ARHGEF40: variants seen among roughly 807,000 people sequenced by gnomAD.
The protein encoded by ARHGEF40 is Rho guanine nucleotide exchange factor 40, also known as Rho guanine nucleotide exchange factor (GEF) 40.
Under a neutral mutation model 165.9 loss-of-function variants are expected in ARHGEF40, and 98 were observed. That is an observed-to-expected ratio of 0.59 (90% confidence interval 0.50 to 0.70). ARHGEF40 has a LOEUF of 0.70. Ranked by LOEUF, ARHGEF40 falls within the 30% of genes least tolerant of loss-of-function variation. The probability of loss-of-function intolerance (pLI) is 0.00; values close to 1 mark genes in which losing one functional copy is unlikely to be tolerated. For synonymous variants in ARHGEF40, 792 were observed against 814.3 expected (o/e 0.97, Z 0.47); for missense variants, 1,815 against 1,968.0 (o/e 0.92, Z 1.47).
At chr14:21,087,558 A>T in intron 21 of ARHGEF40, 95 bp downstream of exon 21, 1 of 1,526,378 alleles carries the variant, frequency 6.6e-7, no homozygotes, top group Non-Finnish European at 8.8e-7. Context: ...TCTAGCCAAG[A>T]AGCCCAGTTG....
Position 21,082,833 on chromosome 14 carries a change from G to A in ARHGEF40, c.3489G>A (p.Gly1163=). Residue 1163 remains glycine, a splice_region_variant and synonymous_variant, in exon 16 of 24, where the codon GGG becomes GGA. Transcript: ENST00000298694. ...TTATCTGTTCTTTACTGGCACAGGG[G>A]GACCAGTTCAGCCTTTATGCACAGT... ...LRIGACFLRH[G]DQFSLYAQYV... 6.2e-7 allele frequency: 1 copy of A among 1,614,092 alleles called. No individual in the cohort carries two copies. The highest frequency in any genetic ancestry group is 8.5e-7 in the Non-Finnish European group (1 of 1,179,988).
chr14:21,071,173 TG>T (rs1198894566), intron 1 of ARHGEF40, among the ~76,000 whole-genome samples: 1 of 152,146 alleles, frequency 6.6e-6, no homozygotes, highest in Non-Finnish European at 1.5e-5. Flanking sequence ...TAGGGGACCC[TG>T]GCAGCAGCAA....
Position 21,074,647 on chromosome 14 carries a change from C to T in ARHGEF40, c.917C>T (p.Pro306Leu), listed in dbSNP as rs1315234737. 2 of 1,566,050 alleles carry T rather than the reference C, an allele frequency of 1.3e-6. No individual in the cohort carries two copies. The highest frequency in any genetic ancestry group is 1.7e-6 in the Non-Finnish European group (2 of 1,156,950). The change falls in exon 3 of 24, where the codon CCC becomes CTC. Residue 306 changes from proline to leucine, a missense_variant. Coordinates refer to ENST00000298694, the MANE Select transcript of ARHGEF40 (RefSeq NM_018071.5). The surrounding 1 kb of genome is among the most constrained non-coding windows in gnomAD (Gnocchi z 4.8). ...CGGGGCCAGGATGGAGCACGCCCAC[C>T]CGGCGAGGGGAGCAGCACCGGAGCC... ...GPRGQDGARP[P>L]GEGSSTGASP...
rs549433318 is a variant in ARHGEF40, at chr14:21,087,208, C to G, written c.4243+103C>G. 1,710 of 1,581,554 alleles carry G rather than the reference C, an allele frequency of 1.1e-3. 2 individuals are homozygous for G. The highest frequency in any genetic ancestry group is 1.3e-3 in the Non-Finnish European group (1,509 of 1,157,758). On this transcript the variant is annotated intron_variant, in intron 20 of 23. Coordinates refer to ENST00000298694, the MANE Select transcript of ARHGEF40 (RefSeq NM_018071.5). ...GAAAGTCAGGAAAGGCATCTCGTCC[C>G]CAAATCAGTGGGACTGGCTGGGAGG... is the stretch of plus-strand genomic sequence containing the variant.
Position 21,084,773 on chromosome 14 carries a change from A to ACAG in ARHGEF40, c.3812_3814dup (p.Gln1271dup). ...TCCAGATAGATCTGAAGGAGCAGGG[A>ACAG]CAGCTCTTGCATCGAGACCCCTTCA... is the stretch of plus-strand genomic sequence containing the variant. On this transcript the variant is annotated inframe_insertion, in exon 18 of 24. Transcript: ENST00000298694. The ACAG allele has an allele frequency of 1.2e-6, 2 of 1,613,762 alleles. No homozygotes were observed. Among genetic ancestry groups the ACAG allele is most frequent in the Non-Finnish European group, 1.7e-6 (2 of 1,179,964 alleles).
At chr14:21,062,708 AGTGTGT>A in the ARHGEF40 span, among the ~76,000 whole-genome samples, 27 of 131,048 alleles carry the variant, frequency 2.1e-4, no homozygotes, top group African/African-American at 6.5e-4. Context: ...GGCTGGGCAC[AGTGTGT>A]GTGTGTGTGT....
At chr14:21,066,632 C>A (rs1886284821), upstream of ARHGEF40, among the ~76,000 whole-genome samples, 1 of 152,148 alleles carries the variant, frequency 6.6e-6, no homozygotes, top group Non-Finnish European at 1.5e-5. Context: ...CCGTGCCCAG[C>A]CTGATTTATT....
Position 21,083,882 on chromosome 14 carries a change from T to C in ARHGEF40, c.3621T>C (p.Pro1207=). 1 of 1,613,834 alleles carries C rather than the reference T, an allele frequency of 6.2e-7. No homozygotes were observed. Among genetic ancestry groups the C allele is most frequent in the Non-Finnish European group, 8.5e-7 (1 of 1,180,008 alleles). The part of the protein sequence containing the change: ...GPYLPRALQQ[P]LEQLTRYGRL... ...ACCTGCCCCGAGCCCTGCAGCAGCC[T>C]CTGGAACAGCTGACTCGGTATGGGC... is the stretch of plus-strand genomic sequence containing the variant. Residue 1207 remains proline, a synonymous_variant, in exon 17 of 24, where the codon CCT becomes CCC. Transcript: ENST00000298694.
upstream of ARHGEF40, among the ~76,000 whole-genome samples, chr14:21,069,143 G>A (rs1397472401): frequency 6.6e-6 from 1 of 152,220 alleles, no homozygotes; most frequent in Non-Finnish European, 1.5e-5. Flanking sequence ...GCTTCCCGGT[G>A]CCTGCTCAGA....
At chr14:21,082,729 C>A in intron 15 of ARHGEF40, 102 bp from the exon 16 acceptor site, 1 of 1,270,468 alleles carries the variant, frequency 7.9e-7, no homozygotes, top group Non-Finnish European at 1.1e-6. Flanking sequence ...CCCTGGTGAC[C>A]CATCCCTCAT....
intron 17 of ARHGEF40, 122 bp from the exon 18 acceptor site, chr14:21,084,631 C>A: frequency 9.0e-7 from 1 of 1,116,042 alleles, no homozygotes; most frequent in Non-Finnish European, 1.3e-6. Flanking sequence ...GCTTCCCTGA[C>A]TTCCTGACTC....
At chr14:21,086,280 G>A in intron 19 of ARHGEF40, 1 of 178,156 alleles carries the variant, frequency 5.6e-6, no homozygotes, top group South Asian at 1.1e-4. Context: ...GAGGGGTGAG[G>A]TAGGAGGATC....
At chr14:21,063,112 G>T in the ARHGEF40 span, among the ~76,000 whole-genome samples, 2 of 151,914 alleles carry the variant, frequency 1.3e-5, no homozygotes, top group South Asian at 2.1e-4. Flanking sequence ...GCTGGGCAAC[G>T]GAGCGAGACC....
chr14:21,085,233 G>A (rs1888243322), intron 18 of ARHGEF40, among the ~76,000 whole-genome samples: 1 of 152,214 alleles, frequency 6.6e-6, no homozygotes, highest in Admixed American at 6.5e-5. Flanking sequence ...CCTAGGGCAT[G>A]AGGAGAAAGC....
intron 16 of ARHGEF40, 125 bp from the exon 17 acceptor site, chr14:21,083,710 A>G: frequency 1.2e-6 from 1 of 824,500 alleles, no homozygotes; most frequent in Non-Finnish European, 1.9e-6. Flanking sequence ...GCCTTACTTT[A>G]GGGAGCATCT....
chr14:21,082,564 G>A lies in ARHGEF40; in HGVS notation c.3486+86G>A. Reference sequence around the variant, plus strand: ...CTGTCCCTCTTTCTCAGTACCCACGGCCCTCTCCTCCCATGTGTGGTCCAT... The same window carrying A: ...CTGTCCCTCTTTCTCAGTACCCACGACCCTCTCCTCCCATGTGTGGTCCAT... On this transcript the variant is annotated intron_variant, in intron 15 of 23. Coordinates refer to ENST00000298694, the MANE Select transcript of ARHGEF40 (RefSeq NM_018071.5). 4 of 1,388,576 alleles carry A rather than the reference G, an allele frequency of 2.9e-6. No homozygotes were observed. In the South Asian group the frequency reaches 5.7e-5, roughly 20 times the overall value. The allele number at this position is 1,388,576 out of a possible 1,614,324, so 86.0% of individuals were successfully genotyped here.
chr14:21,083,780 T>G, intron 16 of ARHGEF40, 55 bp from the exon 17 acceptor site: 1 of 1,506,620 alleles, frequency 6.6e-7, no homozygotes, highest in Non-Finnish European at 9.1e-7. Context: ...ACCCCTGAGC[T>G]TGGCCCCCAG....
At position 21,083,888 on chromosome 14, in the gene ARHGEF40, A is replaced by G. The variant is rs1026471860; in HGVS notation, c.3627A>G (p.Glu1209=). ...YLPRALQQPL[E]QLTRYGRLLE... is the part of the protein sequence containing the mutation. Reference sequence around the variant, plus strand: ...CCCGAGCCCTGCAGCAGCCTCTGGAACAGCTGACTCGGTATGGGCGGCTCC... The same window carrying G: ...CCCGAGCCCTGCAGCAGCCTCTGGAGCAGCTGACTCGGTATGGGCGGCTCC... Residue 1209 remains glutamate, a synonymous_variant, in exon 17 of 24, where the codon GAA becomes GAG. Coordinates refer to ENST00000298694, the MANE Select transcript of ARHGEF40 (RefSeq NM_018071.5). 2 of 1,614,078 alleles carry G rather than the reference A, an allele frequency of 1.2e-6. No individual in the cohort carries two copies. Among genetic ancestry groups the G allele is most frequent in the Non-Finnish European group, 1.7e-6 (2 of 1,180,024 alleles).
chr14:21,079,085 T>G (rs1443212441), intron 11 of ARHGEF40, 75 bp downstream of exon 11: 2 of 1,528,988 alleles, frequency 1.3e-6, no homozygotes, highest in African/African-American at 1.4e-5. Context: ...TTGGTACTTA[T>G]AGTTGATGGT....
Sources: gnomAD v4.1 joint callset for allele counts (sites outside exome capture counted in the v4.1 genomes callset) on GRCh38, gnomAD v4.1.1 for gene constraint, Gnocchi (gnomAD v3.1) non-coding constraint, MANE v1.5 for transcripts, NCBI Gene and HGNC (gene_info 2026-07-23, HGNC 2026-07-21) for gene names.